FAAH2: variants seen among roughly 807,000 people sequenced by gnomAD.
FAAH2 encodes the protein fatty acid amide hydrolase 2, also known as fatty-acid amide hydrolase 2.
A neutral mutation model predicts 36.9 loss-of-function variants in FAAH2; 60 were observed. That is an observed-to-expected ratio of 1.63 (90% CI 1.32 to 2.02). FAAH2 has a LOEUF of 2.02. Among genes scored for constraint, FAAH2 ranks in the 30% most tolerant of loss-of-function variants. The probability of loss-of-function intolerance (pLI) is 0.00; values close to 1 mark genes in which losing one functional copy is unlikely to be tolerated. For synonymous variants in FAAH2, 214 were observed against 143.8 expected (o/e 1.49, Z -3.49); for missense variants, 689 against 397.5 (o/e 1.73, Z -6.23).
intron 10 of FAAH2, among the ~76,000 whole-genome samples, chrX:57,467,258 A>T (rs2057067840): frequency 9.0e-6 from 1 of 110,941 alleles, no homozygotes; most frequent in Admixed American, 9.6e-5. Context: ...TGGGTGCAGG[A>T]CAGCGGGTGC....
the FAAH2 span, among the ~76,000 whole-genome samples, chrX:57,183,278 A>C: frequency 2.5e-4 from 28 of 111,790 alleles, no homozygotes; most frequent in Non-Finnish European, 5.3e-4. Context: ...ACTTCACCTT[A>C]AGGTACTATA....
chrX:57,476,464 G>T (rs1017826935), intron 10 of FAAH2, among the ~76,000 whole-genome samples: 6 of 111,507 alleles, frequency 5.4e-5, no homozygotes, highest in Admixed American at 1.9e-4. Flanking sequence ...TTTTGTCACT[G>T]GTTCTGTTTA....
chrX:57,227,601 T>C, the FAAH2 span, among the ~76,000 whole-genome samples: 140 of 111,682 alleles, frequency 1.3e-3, 1 homozygote, highest in African/African-American at 4.3e-3. Flanking sequence ...GGTGGTATAA[T>C]GGCCTATTTT....
At chrX:57,191,127 T>A in the FAAH2 span, among the ~76,000 whole-genome samples, 26 of 111,831 alleles carry the variant, frequency 2.3e-4, no homozygotes, top group East Asian at 6.8e-3. Flanking sequence ...TTCTCTCTTC[T>A]CTCCACATTC....
At chrX:57,480,691 T>C (rs763930139) in intron 10 of FAAH2, among the ~76,000 whole-genome samples, 1 of 111,373 alleles carries the variant, frequency 9.0e-6, no homozygotes, top group African/African-American at 3.3e-5. Context: ...ATTTCAATAT[T>C]GGAGAATCTG....
At chrX:57,279,252 C>A in the FAAH2 span, among the ~76,000 whole-genome samples, 2 of 112,500 alleles carry the variant, frequency 1.8e-5, no homozygotes, top group African/African-American at 6.5e-5. Context: ...CACATATACA[C>A]CATGGAATAC....
chrX:57,328,593 C>CT (rs2053296569), intron 3 of FAAH2, among the ~76,000 whole-genome samples: 1 of 111,525 alleles, frequency 9.0e-6, no homozygotes, highest in African/African-American at 3.3e-5. Flanking sequence ...AGAATGCTTG[C>CT]TTGAGAACTA....
intron 10 of FAAH2, among the ~76,000 whole-genome samples, chrX:57,457,787 G>A (rs185251054): frequency 3.0e-4 from 32 of 106,613 alleles, no homozygotes; most frequent in Middle Eastern, 5.0e-3. Flanking sequence ...ACAGCTAAAA[G>A]AAATCAGAGG....
chrX:57,241,125 G>A, the FAAH2 span, among the ~76,000 whole-genome samples: 1 of 112,169 alleles, frequency 8.9e-6, no homozygotes, highest in Non-Finnish European at 1.9e-5. Context: ...ATGCCTGTTA[G>A]GGACATGGGG....
At chrX:57,392,807 G>A in intron 7 of FAAH2, 2 of 649,698 alleles carry the variant, frequency 3.1e-6, no homozygotes, top group South Asian at 2.2e-5. Context: ...ATCCTGTAGG[G>A]ACACCTTTTC....
chrX:57,293,661 T>C (rs909269943), intron 2 of FAAH2, among the ~76,000 whole-genome samples: 6 of 111,844 alleles, frequency 5.4e-5, no homozygotes, highest in African/African-American at 1.6e-4. Context: ...TGAGAGAGAT[T>C]CTATTATTTA....
At chrX:57,300,224 A>C in intron 2 of FAAH2, among the ~76,000 whole-genome samples, 1 of 111,833 alleles carries the variant, frequency 8.9e-6, no homozygotes, top group Non-Finnish European at 1.9e-5. Context: ...AGGCTACAGT[A>C]ATCAAAACAG....
intron 7 of FAAH2, among the ~76,000 whole-genome samples, chrX:57,419,516 C>T (rs2055948455): frequency 1.8e-5 from 2 of 112,084 alleles, no homozygotes; most frequent in South Asian, 7.4e-4. Context: ...TAAATGTCTT[C>T]TTTTGAGAAG....
chrX:57,173,589 T>A, the FAAH2 span, among the ~76,000 whole-genome samples: 2 of 112,063 alleles, frequency 1.8e-5, no homozygotes, highest in Non-Finnish European at 3.8e-5. Context: ...CTGGTTGCTC[T>A]GGCTAAAACT....
the FAAH2 span, among the ~76,000 whole-genome samples, chrX:57,182,092 A>G: frequency 1.8e-5 from 2 of 112,311 alleles, no homozygotes; most frequent in Non-Finnish European, 3.8e-5. Context: ...AGATTTATTA[A>G]AGACTGAAGT....
At chrX:57,286,506 G>A (rs894417780), upstream of FAAH2, among the ~76,000 whole-genome samples, 2 of 111,169 alleles carry the variant, frequency 1.8e-5, no homozygotes, top group African/African-American at 6.5e-5. Context: ...TATAGTGTAG[G>A]TTGGCCAGGG....
chrX:57,264,106 CTATAA>C, the FAAH2 span, among the ~76,000 whole-genome samples: 6 of 111,597 alleles, frequency 5.4e-5, no homozygotes, highest in Non-Finnish European at 1.1e-4. Flanking sequence ...AAATGTAAAA[CTATAA>C]TATTTCAGAA....
At chrX:57,295,119 C>T (rs1246300774) in intron 2 of FAAH2, among the ~76,000 whole-genome samples, 1 of 111,671 alleles carries the variant, frequency 9.0e-6, no homozygotes, top group Non-Finnish European at 1.9e-5. Context: ...CTGGCTGCTG[C>T]TTCTACCTCA....
Position 57,424,476 on chromosome X carries a change from G to T in FAAH2, c.997-7442G>T, listed in dbSNP as rs192000782. Reference sequence around the variant, plus strand: ...TAAAATCAGCTGACACAAGCTTGAGGTATAGAGAAAAATATCTGGGAACCA... The same window carrying T: ...TAAAATCAGCTGACACAAGCTTGAGTTATAGAGAAAAATATCTGGGAACCA... On this transcript the variant is annotated intron_variant, in intron 7 of 10. Transcript: ENST00000374900. 2.7e-5 allele frequency among the ~76,000 whole-genome samples: 3 copies of T among 111,971 alleles called. No homozygotes were observed. In the East Asian group the frequency reaches 8.5e-4, roughly 32 times the overall value.
Sources: gnomAD v4.1 joint callset for allele counts (sites outside exome capture counted in the v4.1 genomes callset) on GRCh38, gnomAD v4.1.1 for gene constraint, MANE v1.5 for transcripts, NCBI Gene and HGNC (gene_info 2026-07-23, HGNC 2026-07-21) for gene names.